The following ARL15 variants were observed in gnomAD, a reference collection of about 807,000 sequenced individuals.
The protein encoded by ARL15 is ARF like GTPase 15.
In ARL15, 19 loss-of-function variants were observed where a neutral mutation model predicts 25.2. That is an observed-to-expected ratio of 0.75 (90% CI 0.53 to 1.10). The LOEUF is 1.10. Among genes scored for constraint, ARL15 ranks in the 50% least tolerant of loss-of-function variants. The pLI is 0.00. For synonymous variants in ARL15, 94 were observed against 86.8 expected (o/e 1.08, Z -0.46); for missense variants, 220 against 246.0 (o/e 0.89, Z 0.71).
intron 1 of ARL15, among the ~76,000 whole-genome samples, chr5:54,180,979 G>C (rs1755039555): frequency 6.6e-6 from 1 of 152,132 alleles, no homozygotes; most frequent in Admixed American, 6.6e-5. Flanking sequence ...CTCCCAGTCT[G>C]CATCAGTCAT....
At position 53,948,166 on chromosome 5, in the gene ARL15, G is replaced by A. The variant is rs141886557; in HGVS notation, c.463-61453C>T. Among the ~76,000 whole-genome samples the A allele has an allele frequency of 6.1e-3, 936 of 152,294 alleles. 12 individuals are homozygous for A. Among genetic ancestry groups the A allele is most frequent in the African/African-American group, 0.021 (870 of 41,570 alleles). On this transcript the variant is annotated intron_variant, in intron 4 of 4. Coordinates refer to ENST00000504924, the MANE Select transcript of ARL15 (RefSeq NM_019087.3). ...AACTTGAGATAATGACAGTGAATAC[G>A]TAAGATGATGATATACAAATTAAGG...
chr5:53,901,362 C>T (rs909744752), intron 4 of ARL15, among the ~76,000 whole-genome samples: 1 of 152,112 alleles, frequency 6.6e-6, no homozygotes, highest in Non-Finnish European at 1.5e-5. Context: ...AAACCTTTCT[C>T]CTGGCAATAG....
At chr5:54,036,082 C>A (rs1750156452) in intron 4 of ARL15, among the ~76,000 whole-genome samples, 1 of 150,706 alleles carries the variant, frequency 6.6e-6, no homozygotes, top group African/African-American at 2.4e-5. Context: ...CCCAGGGGTT[C>A]AAAGTTGCAG....
chr5:53,933,025 G>A (rs950987384), intron 4 of ARL15, among the ~76,000 whole-genome samples: 1 of 152,202 alleles, frequency 6.6e-6, no homozygotes, highest in Non-Finnish European at 1.5e-5. Context: ...TTATCACAGA[G>A]TCAACACTTT....
At chr5:54,232,395 A>G (rs370440937) in intron 1 of ARL15, among the ~76,000 whole-genome samples, 2 of 152,206 alleles carry the variant, frequency 1.3e-5, no homozygotes, top group East Asian at 1.9e-4. Context: ...GGTAGGCAGA[A>G]AAACAGGAAG....
chr5:53,929,406 G>T (rs1370762295), intron 4 of ARL15, among the ~76,000 whole-genome samples: 2 of 152,162 alleles, frequency 1.3e-5, no homozygotes, highest in East Asian at 1.9e-4. Flanking sequence ...CACGATAATT[G>T]TGTGTCCTTT....
chr5:54,237,800 G>A (rs1756849365), intron 1 of ARL15, among the ~76,000 whole-genome samples: 1 of 152,134 alleles, frequency 6.6e-6, no homozygotes, highest in Non-Finnish European at 1.5e-5. Flanking sequence ...AGCCAAAAAT[G>A]ATCACTGTCG....
chr5:54,077,121 C>A (rs1488239004), intron 4 of ARL15, among the ~76,000 whole-genome samples: 3 of 152,116 alleles, frequency 2.0e-5, no homozygotes, highest in Admixed American at 6.5e-5. Context: ...TGCCTGTTAA[C>A]ATATTGTCAT....
At chr5:53,894,227 C>A (rs956957798) in intron 4 of ARL15, among the ~76,000 whole-genome samples, 1 of 152,192 alleles carries the variant, frequency 6.6e-6, no homozygotes, top group Non-Finnish European at 1.5e-5. Context: ...GAAAACCAGA[C>A]AAATAATTGC....
At chr5:54,229,331 T>C (rs561312658) in intron 1 of ARL15, among the ~76,000 whole-genome samples, 1 of 152,306 alleles carries the variant, frequency 6.6e-6, no homozygotes, top group South Asian at 2.1e-4. Flanking sequence ...GAGATGGTAA[T>C]AGTCAAAGTA....
chr5:54,246,019 T>A (rs976773377), intron 1 of ARL15, among the ~76,000 whole-genome samples: 2 of 152,174 alleles, frequency 1.3e-5, no homozygotes, highest in African/African-American at 2.4e-5. Context: ...CAGTTCTTCA[T>A]TGTATATCCA....
chr5:53,977,633 C>A (rs1747984015), intron 4 of ARL15, among the ~76,000 whole-genome samples: 1 of 152,126 alleles, frequency 6.6e-6, no homozygotes, highest in South Asian at 2.1e-4. Context: ...GTGATTGACC[C>A]TGCTGATAGA....
chr5:54,226,532 A>C (rs1756522651), intron 1 of ARL15, among the ~76,000 whole-genome samples: 1 of 152,252 alleles, frequency 6.6e-6, no homozygotes, highest in Non-Finnish European at 1.5e-5. Context: ...CTAGGCAAAG[A>C]GGAAGAGATC....
chr5:54,197,543 TG>T (rs1561262659), intron 1 of ARL15, among the ~76,000 whole-genome samples: 1 of 152,232 alleles, frequency 6.6e-6, no homozygotes, highest in African/African-American at 2.4e-5. Context: ...TTCCACATTT[TG>T]GGGGGAAATG....
Position 54,310,445 on chromosome 5 carries a change from T to A in ARL15, c.35A>T (p.Tyr12Phe), listed in dbSNP as rs1274656892. 1.9e-6 allele frequency: 3 copies of A among 1,610,248 alleles called. No homozygotes were observed. The highest frequency in any genetic ancestry group is 2.2e-5 in the East Asian group (1 of 44,690). ...SDLRITEAFL[Y>F]MDYLCFRALC... is the part of the protein sequence containing the mutation. Reference sequence around the variant, plus strand: ...CCCTGCACCTACCAGATAATCCATGTACAGAAACGCCTCAGTTATTCGGAG... The same window carrying A: ...CCCTGCACCTACCAGATAATCCATGAACAGAAACGCCTCAGTTATTCGGAG... Residue 12 changes from tyrosine to phenylalanine, a missense_variant, in exon 1 of 5, where the codon TAC becomes TTC. Transcript: ENST00000504924.
chr5:54,211,934 T>C lies in ARL15; in HGVS notation c.49-40006A>G, dbSNP rs1057027694. 2.0e-5 allele frequency among the ~76,000 whole-genome samples: 3 copies of C among 152,244 alleles called. No homozygotes were observed. The East Asian group carries it at 5.8e-4, about 29-fold the overall frequency. ...AAAGAGTAATTTGAGTAGGAAGAAA[T>C]GCCAAGTCACTAATTTGTTTAAGGA... is the stretch of plus-strand genomic sequence containing the variant. On this transcript the variant is annotated intron_variant, in intron 1 of 4. Coordinates refer to ENST00000504924, the MANE Select transcript of ARL15 (RefSeq NM_019087.3).
At chr5:54,027,040 C>A (rs1049402583) in intron 4 of ARL15, among the ~76,000 whole-genome samples, 3 of 152,108 alleles carry the variant, frequency 2.0e-5, no homozygotes, top group Non-Finnish European at 4.4e-5. Context: ...GCCTCACTTG[C>A]GACTAACTAA....
chr5:54,027,994 G>C (rs1729112171), intron 4 of ARL15, among the ~76,000 whole-genome samples: 1 of 151,794 alleles, frequency 6.6e-6, no homozygotes, highest in African/African-American at 2.4e-5. Context: ...GTGGCTCACT[G>C]CAAGCTCCAC....
At chr5:54,020,159 CT>C (rs777057070) in intron 4 of ARL15, among the ~76,000 whole-genome samples, 3 of 152,172 alleles carry the variant, frequency 2.0e-5, no homozygotes, top group Non-Finnish European at 4.4e-5. Flanking sequence ...AGTGGTGACC[CT>C]CCCCCTCTCA....
Sources: allele counts gnomAD v4.1 joint callset (sites outside exome capture counted in the v4.1 genomes callset), GRCh38; gene constraint gnomAD v4.1.1; transcripts MANE v1.5; gene names NCBI Gene and HGNC (gene_info 2026-07-23, HGNC 2026-07-21).